Variants in DDX31 observed in about 807,000 individuals in gnomAD.
DDX31 encodes DEAD-box helicase 31, also known as ATP-dependent DNA helicase DDX31.
A neutral mutation model predicts 91.3 loss-of-function variants in DDX31; 70 were observed. The ratio of observed to expected loss-of-function variants is 0.77; its 90% confidence interval spans 0.63 to 0.94. The LOEUF (loss-of-function observed/expected upper bound fraction) is 0.94, where lower values mean the gene tolerates loss of function less well. Among genes scored for constraint, DDX31 ranks in the 40% least tolerant of loss-of-function variants. The probability of loss-of-function intolerance (pLI) is 0.00; values close to 1 mark genes in which losing one functional copy is unlikely to be tolerated. For missense variants in DDX31, 902 were observed against 925.0 expected, an observed-to-expected ratio of 0.98 and a Z score of 0.32; for synonymous variants, 362 against 350.6, an observed-to-expected ratio of 1.03 and a Z score of -0.36.
intron 19 of DDX31, among the ~76,000 whole-genome samples, chr9:132,596,817 G>A (rs771094629): frequency 6.6e-6 from 1 of 152,216 alleles, no homozygotes; most frequent in Admixed American, 6.5e-5. Flanking sequence ...ACTTCAGCAG[G>A]ACAGTGGGGC....
intron 17 of DDX31, among the ~76,000 whole-genome samples, chr9:132,620,256 C>A (rs1044327451): frequency 6.6e-6 from 1 of 151,874 alleles, no homozygotes; most frequent in Non-Finnish European, 1.5e-5. Flanking sequence ...CAGCCTGGTG[C>A]GAATTCCAGG....
At chr9:132,634,401 C>T (rs981716725) in intron 14 of DDX31, among the ~76,000 whole-genome samples, 4 of 152,014 alleles carry the variant, frequency 2.6e-5, no homozygotes, top group Non-Finnish European at 4.4e-5. Flanking sequence ...TTTTTCTGAA[C>T]CATCTGAAAG....
At chr9:132,619,635 C>T (rs1367863250) in intron 17 of DDX31, among the ~76,000 whole-genome samples, 1 of 152,168 alleles carries the variant, frequency 6.6e-6, no homozygotes, top group East Asian at 1.9e-4. Context: ...ATTCCTGCTA[C>T]CTGTTTGGTT....
intron 17 of DDX31, among the ~76,000 whole-genome samples, chr9:132,625,354 G>A (rs11243844): frequency 0.03 from 4,637 of 152,092 alleles, 243 homozygotes; most frequent in African/African-American, 0.11. Context: ...AGGGACCACC[G>A]GGGCTGAGCG....
intron 17 of DDX31, among the ~76,000 whole-genome samples, chr9:132,624,246 G>A (rs766648850): frequency 2.7e-5 from 4 of 150,882 alleles, no homozygotes; most frequent in Middle Eastern, 3.5e-3. Context: ...CCAAAAGAAC[G>A]GAAGTGTGCC....
At chr9:132,647,329 T>A (rs1051864372) in intron 11 of DDX31, among the ~76,000 whole-genome samples, 1 of 151,396 alleles carries the variant, frequency 6.6e-6, no homozygotes, top group South Asian at 2.1e-4. Flanking sequence ...CACCCCCACC[T>A]CCCAAAAGGG....
rs1216533792 is a variant in DDX31, at chr9:132,593,069, G to C, written c.*1797C>G. 6.6e-6 allele frequency: 1 copy of C among 152,162 alleles called. No homozygotes were observed. Among genetic ancestry groups the C allele is most frequent in the Non-Finnish European group, 1.5e-5 (1 of 68,024 alleles). The allele number at this position is 152,162 out of a possible 1,614,324, so 9.4% of individuals were successfully genotyped here. A position where few individuals can be genotyped will look rare whatever the true frequency, so the allele number is the denominator to read the frequency against. On this transcript the variant is annotated 3_prime_UTR_variant, in exon 20 of 20. Transcript: ENST00000372159. The stretch of plus-strand genomic sequence containing the variant: ...TTAACCTTAAATCTGCTAAATCCAT[G>C]TTTCTTTATTAACTGGGGTAATATA...
rs1834273584 is a variant in DDX31, at chr9:132,652,620, G to A, written c.589-128C>T. ...CTTAATGAAGAAAGGGACAAAATAA[G>A]GTTGCCCACTGATGTGGTCTGGCTG... On this transcript the variant is annotated intron_variant, in intron 6 of 19. Transcript: ENST00000372159. 3 of 1,216,088 alleles carry A rather than the reference G, an allele frequency of 2.5e-6. No homozygotes were observed. The East Asian group carries it at 7.4e-5, about 30-fold the overall frequency. 75.3% of individuals were successfully genotyped at this position (1,216,088 alleles called of 1,614,324 possible). A position where few individuals can be genotyped will look rare whatever the true frequency, so the allele number is the denominator to read the frequency against.
intron 1 of DDX31, among the ~76,000 whole-genome samples, chr9:132,663,857 A>C (rs144930390): frequency 5.3e-5 from 8 of 152,348 alleles, no homozygotes; most frequent in African/African-American, 1.7e-4. Context: ...ACAAAATCTC[A>C]AGTTTATGAA....
intron 17 of DDX31, among the ~76,000 whole-genome samples, chr9:132,625,291 A>C (rs1290361435): frequency 6.6e-6 from 1 of 152,206 alleles, no homozygotes; most frequent in Non-Finnish European, 1.5e-5. Context: ...TATTTCTTCC[A>C]TGCTGTCTGG....
At chr9:132,665,065 C>T (rs1268286120) in intron 1 of DDX31, among the ~76,000 whole-genome samples, 1 of 152,148 alleles carries the variant, frequency 6.6e-6, no homozygotes, top group African/African-American at 2.4e-5. Flanking sequence ...AAATAATAAG[C>T]ATAGCACGGA....
intron 14 of DDX31, chr9:132,638,324 A>G: frequency 1.9e-6 from 3 of 1,614,076 alleles, no homozygotes; most frequent in Non-Finnish European, 2.5e-6. Context: ...ATGGTATTAA[A>G]AGCAAGGTTC....
chr9:132,611,116 G>T (rs1039045604), intron 19 of DDX31, among the ~76,000 whole-genome samples: 1 of 152,236 alleles, frequency 6.6e-6, no homozygotes, highest in Non-Finnish European at 1.5e-5. Flanking sequence ...AGGCAGCTCA[G>T]AGTGGTTCTG....
chr9:132,669,358 C>T (rs906571823), intron 1 of DDX31, among the ~76,000 whole-genome samples: 1 of 146,410 alleles, frequency 6.8e-6, no homozygotes, highest in Non-Finnish European at 1.5e-5. Context: ...TAATGTTAGG[C>T]CAGAGCCAGT....
At chr9:132,632,559 C>A (rs965668819) in intron 14 of DDX31, among the ~76,000 whole-genome samples, 5 of 152,062 alleles carry the variant, frequency 3.3e-5, no homozygotes, top group Non-Finnish European at 7.4e-5. Context: ...CATGGATTAT[C>A]ACCCCCCGCC....
chr9:132,632,298 A>ACACACACC (rs1564306044), intron 14 of DDX31, among the ~76,000 whole-genome samples: 1 of 130,954 alleles, frequency 7.6e-6, no homozygotes, highest in Non-Finnish European at 1.6e-5. Flanking sequence ...ACACACACAC[A>ACACACACC]GTCCTGCATA....
At chr9:132,645,130 A>G (rs1171791594) in intron 13 of DDX31, among the ~76,000 whole-genome samples, 2 of 151,872 alleles carry the variant, frequency 1.3e-5, no homozygotes, top group Non-Finnish European at 2.9e-5. Flanking sequence ...CTGCCTGGTA[A>G]CCTCTCCTCT....
rs1448909051 is a variant in DDX31, at chr9:132,667,338, C to CGCCTG, written c.75+2517_75+2521dup. On this transcript the variant is annotated intron_variant, in intron 1 of 19. Transcript: ENST00000372159. Reference sequence around the variant, plus strand: ...TGTAGATCTAGGCCTGGCTGGCTCACGCCTGTAATCCCAGCACTGTGGGAG... The same window carrying CGCCTG: ...TGTAGATCTAGGCCTGGCTGGCTCACGCCTGGCCTGTAATCCCAGCACTGTGGGAG... Among the ~76,000 whole-genome samples, 4 of 151,670 alleles carry CGCCTG rather than the reference C, an allele frequency of 2.6e-5. No individual in the cohort carries two copies. The East Asian group carries it at 7.8e-4, about 30-fold the overall frequency.
intron 16 of DDX31, among the ~76,000 whole-genome samples, chr9:132,626,775 G>A (rs979425238): frequency 1.1e-4 from 16 of 151,978 alleles, no homozygotes; most frequent in Non-Finnish European, 2.2e-4. Context: ...CTCTGACAGC[G>A]ATTTACCTGA....
Sources: allele counts gnomAD v4.1 joint callset (sites outside exome capture counted in the v4.1 genomes callset), GRCh38; gene constraint gnomAD v4.1.1; transcripts MANE v1.5; gene names NCBI Gene and HGNC (gene_info 2026-07-23, HGNC 2026-07-21).